GRM7: variants seen among roughly 807,000 people sequenced by gnomAD.
The protein encoded by GRM7 is glutamate metabotropic receptor 7, also known as metabotropic glutamate receptor 7.
GRM7 carries 35 observed loss-of-function variants against 84.5 expected under a neutral mutation model. The ratio of observed to expected loss-of-function variants is 0.41; its 90% CI spans 0.32 to 0.55. The LOEUF is 0.55. Ranked by LOEUF, GRM7 falls within the 20% of genes least tolerant of loss-of-function variation. The pLI is 0.19. For missense variants in GRM7, 1,003 were observed against 1,194.6 expected (o/e 0.84, Z 2.36); for synonymous variants, 487 against 455.1 (o/e 1.07, Z -0.89).
chr3:6,889,763 G>C (rs1191137405), intron 1 of GRM7, among the ~76,000 whole-genome samples: 1 of 152,012 alleles, frequency 6.6e-6, no homozygotes, highest in East Asian at 1.9e-4. Flanking sequence ...AGTTAGGGAG[G>C]ATTCCCTCTT....
chr3:7,368,561 G>T (rs1017953421), intron 4 of GRM7, among the ~76,000 whole-genome samples: 1 of 152,130 alleles, frequency 6.6e-6, no homozygotes, highest in Non-Finnish European at 1.5e-5. Context: ...AAAATAGGAA[G>T]TGTGTGTTTT....
chr3:7,200,712 T>C (rs1696036972), intron 2 of GRM7, among the ~76,000 whole-genome samples: 1 of 152,204 alleles, frequency 6.6e-6, no homozygotes, highest in East Asian at 1.9e-4. Context: ...ATGACGCTAC[T>C]AGTTCAGAGG....
intron 5 of GRM7, among the ~76,000 whole-genome samples, chr3:7,423,605 C>T (rs900236342): frequency 1.3e-5 from 2 of 152,060 alleles, no homozygotes; most frequent in African/African-American, 4.8e-5. Context: ...ATATAGCCTT[C>T]CTTAGAAGAG....
At chr3:6,969,374 A>G (rs1003477741) in intron 1 of GRM7, among the ~76,000 whole-genome samples, 1 of 152,178 alleles carries the variant, frequency 6.6e-6, no homozygotes, top group Admixed American at 6.5e-5. Context: ...CATTATCCCC[A>G]TTACATAAAT....
chr3:6,894,105 A>C (rs967977739), intron 1 of GRM7: 11 of 152,166 alleles, frequency 7.2e-5, no homozygotes, highest in African/African-American at 2.7e-4. Context: ...TGGTGAAAAT[A>C]TTTCTATGTA....
chr3:7,028,609 A>G (rs1347839500), intron 1 of GRM7, among the ~76,000 whole-genome samples: 1 of 152,248 alleles, frequency 6.6e-6, no homozygotes, highest in Non-Finnish European at 1.5e-5. Context: ...ACTGGATATC[A>G]GGCAGTTAAG....
At chr3:6,984,998 GC>G (rs1559367680) in intron 1 of GRM7, among the ~76,000 whole-genome samples, 2 of 152,154 alleles carry the variant, frequency 1.3e-5, no homozygotes, top group African/African-American at 4.8e-5. Context: ...GAGCACCGAG[GC>G]TGAGATTACC....
chr3:7,618,687 G>A (rs994451737), intron 8 of GRM7, among the ~76,000 whole-genome samples: 15 of 151,980 alleles, frequency 9.9e-5, no homozygotes, highest in African/African-American at 2.7e-4. Flanking sequence ...CCCTTATGAC[G>A]AGCCAACACA....
chr3:7,123,511 T>C (rs9877615), intron 1 of GRM7, among the ~76,000 whole-genome samples: 77,413 of 151,774 alleles, frequency 0.51, 20,815 homozygotes, highest in African/African-American at 0.69. Flanking sequence ...CCCAGCTATT[T>C]GGGAGGTTGA....
chr3:6,881,732 T>G (rs1356766835), intron 1 of GRM7, among the ~76,000 whole-genome samples: 4 of 152,056 alleles, frequency 2.6e-5, no homozygotes, highest in African/African-American at 9.7e-5. Context: ...CAAATATACA[T>G]TCTTATAAAA....
chr3:7,678,031 T>C (rs1443139178), intron 8 of GRM7, among the ~76,000 whole-genome samples: 3 of 152,120 alleles, frequency 2.0e-5, no homozygotes, highest in African/African-American at 4.8e-5. Flanking sequence ...CAGCTTAACA[T>C]TGGGTAGTCA....
chr3:7,041,079 CAAAA>C (rs557674027), intron 1 of GRM7, among the ~76,000 whole-genome samples: 413 of 80,830 alleles, frequency 5.1e-3, no homozygotes, highest in African/African-American at 0.014. Context: ...GACCCTGTCT[CAAAA>C]AAAAAAAAAA....
intron 9 of GRM7, among the ~76,000 whole-genome samples, chr3:7,694,953 T>G (rs1460736586): frequency 6.6e-6 from 1 of 152,186 alleles, no homozygotes; most frequent in African/African-American, 2.4e-5. Flanking sequence ...ACATCCAGGT[T>G]TGGGAAACAG....
chr3:7,234,010 A>C (rs1285125381), intron 2 of GRM7, among the ~76,000 whole-genome samples: 1 of 152,086 alleles, frequency 6.6e-6, no homozygotes. Flanking sequence ...TATAACTGCT[A>C]CTCATTGGTC....
At chr3:7,271,658 A>G (rs1053154085) in intron 2 of GRM7, among the ~76,000 whole-genome samples, 3 of 151,506 alleles carry the variant, frequency 2.0e-5, no homozygotes, top group African/African-American at 7.3e-5. Context: ...TCCCTAGCTG[A>G]TTCCTCTGCA....
At chr3:7,609,738 G>C (rs1487244102) in intron 8 of GRM7, among the ~76,000 whole-genome samples, 1 of 152,198 alleles carries the variant, frequency 6.6e-6, no homozygotes, top group Non-Finnish European at 1.5e-5. Context: ...TGCAGGGCTA[G>C]AAATATAGTA....
chr3:7,418,935 A>AGTGAG (rs1315891874), intron 5 of GRM7, among the ~76,000 whole-genome samples: 1 of 152,194 alleles, frequency 6.6e-6, no homozygotes, highest in Non-Finnish European at 1.5e-5. Context: ...GAGAATAGTA[A>AGTGAG]AACCTTACAT....
At chr3:7,447,842 G>A (rs1433441330) in intron 5 of GRM7, among the ~76,000 whole-genome samples, 1 of 151,258 alleles carries the variant, frequency 6.6e-6, no homozygotes, top group African/African-American at 2.4e-5. Context: ...CTGGTGTGCT[G>A]CACCCATTAA....
intron 9 of GRM7, among the ~76,000 whole-genome samples, chr3:7,720,890 G>T (rs1559505209): frequency 6.6e-6 from 1 of 152,162 alleles, no homozygotes; most frequent in Non-Finnish European, 1.5e-5. Flanking sequence ...TTCAGAAAAG[G>T]CGGGGATATC....
Sources: gnomAD v4.1 joint callset for allele counts (sites outside exome capture counted in the v4.1 genomes callset) on GRCh38, gnomAD v4.1.1 for gene constraint, MANE v1.5 for transcripts, NCBI Gene and HGNC (gene_info 2026-07-23, HGNC 2026-07-21) for gene names.